C1orf21: variants seen among roughly 807,000 people sequenced by gnomAD.
C1orf21 encodes the protein chromosome 1 open reading frame 21.
Under a neutral mutation model 18.7 loss-of-function variants are expected in C1orf21, and 3 were observed. That is an observed-to-expected ratio of 0.16 (90% CI 0.07 to 0.42). The LOEUF (loss-of-function observed/expected upper bound fraction) is 0.42. Ranked by LOEUF, C1orf21 falls within the 10% of genes least tolerant of loss-of-function variation. The probability of loss-of-function intolerance (pLI) is 0.99; values close to 1 mark genes in which losing one functional copy is unlikely to be tolerated. For synonymous variants in C1orf21, 41 were observed against 46.4 expected, an observed-to-expected ratio of 0.88 and a Z score of 0.47; for missense variants, 104 against 143.6, an observed-to-expected ratio of 0.72 and a Z score of 1.41.
At chr1:184,442,094 A>G (rs994531663) in intron 1 of C1orf21, among the ~76,000 whole-genome samples, 6 of 152,228 alleles carry the variant, frequency 3.9e-5, no homozygotes, top group African/African-American at 1.2e-4. Context: ...CAGGCCACTC[A>G]TCCCTTCTAA....
chr1:184,430,106 C>A (rs1437109330), intron 1 of C1orf21, among the ~76,000 whole-genome samples: 1 of 124,894 alleles, frequency 8.0e-6, no homozygotes, highest in Non-Finnish European at 1.6e-5. Flanking sequence ...AGCGAGACTC[C>A]GTCTCACAAA....
intron 3 of C1orf21, 42 bp downstream of exon 3, chr1:184,507,724 A>G (rs1221338161): frequency 6.7e-7 from 1 of 1,496,032 alleles, no homozygotes; most frequent in Non-Finnish European, 9.1e-7. Flanking sequence ...TTTTGGTGAC[A>G]CTATTGTAAT....
intron 1 of C1orf21, among the ~76,000 whole-genome samples, chr1:184,433,533 A>T (rs1656805509): frequency 6.6e-6 from 1 of 152,184 alleles, no homozygotes; most frequent in African/African-American, 2.4e-5. Context: ...GCCTTCCATG[A>T]CCAGTCTCTT....
intron 1 of C1orf21, among the ~76,000 whole-genome samples, chr1:184,407,232 T>C (rs1313955946): frequency 6.6e-6 from 1 of 152,098 alleles, no homozygotes; most frequent in East Asian, 1.9e-4. Context: ...ACTTTAGCAT[T>C]CCAAGTTGCT....
chr1:184,618,090 A>AC (rs1659858809), intron 5 of C1orf21, among the ~76,000 whole-genome samples: 1 of 151,818 alleles, frequency 6.6e-6, no homozygotes, highest in Admixed American at 6.6e-5. Flanking sequence ...TTGTGTTTTT[A>AC]GTAGAGATGG....
At chr1:184,549,355 G>A (rs188480388) in intron 3 of C1orf21, among the ~76,000 whole-genome samples, 1 of 152,166 alleles carries the variant, frequency 6.6e-6, no homozygotes, top group African/African-American at 2.4e-5. Context: ...TAATGAAGTA[G>A]AATCATTAAG....
intron 1 of C1orf21, among the ~76,000 whole-genome samples, chr1:184,436,788 C>G (rs1656865222): frequency 6.6e-6 from 1 of 152,054 alleles, no homozygotes; most frequent in South Asian, 2.1e-4. Context: ...TGGCTGCAGA[C>G]AAGGCAGGAG....
chr1:184,567,794 C>A, intron 3 of C1orf21: 1 of 246,026 alleles, frequency 4.1e-6, no homozygotes. Flanking sequence ...CCATTTGAAA[C>A]TTCAAGGCCC....
At chr1:184,413,353 A>G (rs1245677144) in intron 1 of C1orf21, among the ~76,000 whole-genome samples, 1 of 152,250 alleles carries the variant, frequency 6.6e-6, no homozygotes, top group Non-Finnish European at 1.5e-5. Context: ...ATTATACAGA[A>G]TATTTGCAGT....
At chr1:184,465,411 A>G (rs1657375559) in intron 1 of C1orf21, among the ~76,000 whole-genome samples, 1 of 152,238 alleles carries the variant, frequency 6.6e-6, no homozygotes, top group Non-Finnish European at 1.5e-5. Flanking sequence ...CTGGGCATAG[A>G]AAAAGCCGAT....
intron 1 of C1orf21, among the ~76,000 whole-genome samples, chr1:184,394,603 C>T (rs575085346): frequency 6.6e-6 from 1 of 152,108 alleles, no homozygotes; most frequent in Non-Finnish European, 1.5e-5. Flanking sequence ...TTACATGAGA[C>T]AATTGAAAGG....
intron 3 of C1orf21, among the ~76,000 whole-genome samples, chr1:184,570,608 G>A (rs574506410): frequency 6.6e-6 from 1 of 152,186 alleles, no homozygotes; most frequent in Non-Finnish European, 1.5e-5. Flanking sequence ...AGAAAAGGGT[G>A]TGCTTAGACA....
intron 1 of C1orf21, among the ~76,000 whole-genome samples, chr1:184,462,228 A>G (rs1335585689): frequency 1.3e-5 from 2 of 152,230 alleles, no homozygotes; most frequent in South Asian, 2.1e-4. Context: ...AGCCTAGGGC[A>G]TACAAAGCAT....
At chr1:184,561,422 G>A (rs546134242) in intron 3 of C1orf21, among the ~76,000 whole-genome samples, 1 of 152,324 alleles carries the variant, frequency 6.6e-6, no homozygotes, top group Non-Finnish European at 1.5e-5. Context: ...TGTGCTGTCA[G>A]TGATGAGATA....
chr1:184,497,068 C>T (rs1011239915), intron 2 of C1orf21, among the ~76,000 whole-genome samples: 2 of 152,162 alleles, frequency 1.3e-5, no homozygotes, highest in Non-Finnish European at 2.9e-5. Context: ...TTAATTTAAT[C>T]GAACCGCTCT....
chr1:184,427,252 C>T (rs978040304), intron 1 of C1orf21, among the ~76,000 whole-genome samples: 58 of 152,154 alleles, frequency 3.8e-4, no homozygotes, highest in Non-Finnish European at 1.5e-4. Flanking sequence ...CAAAAATCTG[C>T]TAAAGCTACT....
At chr1:184,590,997 T>A (rs1400595741) in intron 4 of C1orf21, among the ~76,000 whole-genome samples, 182 bp downstream of exon 4, 1 of 152,206 alleles carries the variant, frequency 6.6e-6, no homozygotes, top group African/African-American at 2.4e-5. Flanking sequence ...GTGAATGAAG[T>A]GATGTGTAGG....
chr1:184,511,795 C>T (rs1296865964), intron 3 of C1orf21, among the ~76,000 whole-genome samples: 1 of 151,540 alleles, frequency 6.6e-6, no homozygotes, highest in Non-Finnish European at 1.5e-5. Context: ...CGTTCTTGTT[C>T]ACATGGTGGC....
intron 3 of C1orf21, among the ~76,000 whole-genome samples, chr1:184,527,472 A>G (rs1288269289): frequency 1.3e-5 from 2 of 152,180 alleles, no homozygotes; most frequent in Non-Finnish European, 2.9e-5. Flanking sequence ...GGTATGGGAA[A>G]GTGGAGCCTT....
Sources: gnomAD v4.1 joint callset for allele counts (sites outside exome capture counted in the v4.1 genomes callset) on GRCh38, gnomAD v4.1.1 for gene constraint, MANE v1.5 for transcripts, NCBI Gene and HGNC (gene_info 2026-07-23, HGNC 2026-07-21) for gene names.